FBXO46: variants seen among roughly 807,000 people sequenced by gnomAD.
FBXO46 encodes F-box only protein 46.
Under a neutral mutation model 30.7 loss-of-function variants are expected in FBXO46, and 13 were observed. The ratio of observed to expected loss-of-function variants is 0.42; its 90% CI spans 0.28 to 0.67. The LOEUF is 0.67. FBXO46 is among the 30% of genes least tolerant of loss of function. The pLI, the probability that FBXO46 is intolerant of heterozygous loss-of-function variation, is 0.21. For synonymous variants in FBXO46, 467 were observed against 385.8 expected, an observed-to-expected ratio of 1.21 and a Z score of -2.47; for missense variants, 754 against 871.5, an observed-to-expected ratio of 0.87 and a Z score of 1.70.
At chr19:45,714,242 T>A (rs1051650737) in intron 1 of FBXO46, 1 of 152,112 alleles carries the variant, frequency 6.6e-6, no homozygotes, top group East Asian at 1.9e-4. Flanking sequence ...AGCTCGTTCC[T>A]GAAAAGACAG....
Position 45,712,482 on chromosome 19 carries a change from G to A in FBXO46, c.1014C>T (p.Ser338=). 6.2e-7 allele frequency: 1 copy of A among 1,607,432 alleles called. No individual in the cohort carries two copies. Among genetic ancestry groups the A allele is most frequent in the African/African-American group, 1.3e-5 (1 of 74,938 alleles). Residue 338 remains serine (S), a synonymous_variant, in exon 2 of 2, where the codon AGC becomes AGT. Transcript: ENST00000317683. This position sits in a 1 kb window ranked among gnomAD's most constrained non-coding sequence, Gnocchi z 8.8. ...TGTCCTCAGGCCTGGCGGGTGCCGG[G>A]CTGTCACCCTCACTGGCCTCATCCG... is the stretch of plus-strand genomic sequence containing the variant. ...ARADEASEGD[S]PAPARPEDTP... is the part of the protein sequence containing the mutation.
At position 45,711,477 on chromosome 19, in the gene FBXO46, C is replaced by CG. The variant is rs1967962528; in HGVS notation, c.*206dup. On this transcript the variant is annotated 3_prime_UTR_variant, in exon 2 of 2. Transcript: ENST00000317683. ...AAAAACACCCTTCTCAGAGGGTCCACGGCCCTGGTTCTGAAGAGTAGAAAA... is the reference window on the plus strand; with the variant it reads ...AAAAACACCCTTCTCAGAGGGTCCACGGGCCCTGGTTCTGAAGAGTAGAAAA... 1 of 698,106 alleles carries CG rather than the reference C, an allele frequency of 1.4e-6. No homozygotes were observed. The highest frequency in any genetic ancestry group is 2.0e-5 in the Admixed American group (1 of 49,750). 43.2% of individuals were successfully genotyped at this position (698,106 alleles called of 1,614,324 possible).
At chr19:45,727,989 T>A (rs1246942933) in intron 1 of FBXO46, among the ~76,000 whole-genome samples, 32 of 152,122 alleles carry the variant, frequency 2.1e-4, no homozygotes, top group Non-Finnish European at 7.4e-5. Flanking sequence ...CAGGCTGGAG[T>A]GCAGTGGCAC....
Position 45,713,463 on chromosome 19 carries a change from T to C in FBXO46, c.33A>G (p.Leu11=), listed in dbSNP as rs768261197. The part of the protein sequence containing the change: MDRGSLLPFQ[L]WCPRPFGTYS... ...AGGTGCCAAAGGGCCGGGGGCACCA[T>C]AGCTGGAAGGGCAGGAGGCTCCCAC... The change falls in exon 2 of 2, where the codon CTA becomes CTG. Residue 11 remains leucine, a synonymous_variant. Transcript: ENST00000317683. This position sits in a 1 kb window ranked among gnomAD's most constrained non-coding sequence, Gnocchi z 4.7. 39 of 1,585,992 alleles carry C rather than the reference T, an allele frequency of 2.5e-5. No homozygotes were observed. In the South Asian group the frequency reaches 3.9e-4, roughly 16 times the overall value.
rs750367547 is a variant in FBXO46, at chr19:45,712,252, C to T, written c.1244G>A (p.Gly415Glu). The change falls in exon 2 of 2, where the codon GGG becomes GAG. Residue 415 changes from glycine (G) to glutamate (E), a missense_variant. By Grantham distance (98) the Gly-to-Glu change is moderately conservative. Around this residue, in one of 5 missense-constraint regions of FBXO46, gnomAD observed 454 missense variants for 426.5 expected, o/e 1.06. Coordinates refer to ENST00000317683, the MANE Select transcript of FBXO46 (RefSeq NM_001080469.2). This position sits in a 1 kb window ranked among gnomAD's most constrained non-coding sequence, Gnocchi z 8.8. Reference sequence around the variant, plus strand: ...GGGTGGCTCCGGGGGCCCGTCCGGCCCGCGGTTCTGGAGAAAGAAGAGCTG... The same window carrying T: ...GGGTGGCTCCGGGGGCCCGTCCGGCTCGCGGTTCTGGAGAAAGAAGAGCTG... ...PGQLFFLQNRGPDGPPEPPPA... is the reference protein window; with the variant it reads ...PGQLFFLQNREPDGPPEPPPA... 1 of 1,604,886 alleles carries T rather than the reference C, an allele frequency of 6.2e-7. No homozygotes were observed. The highest frequency in any genetic ancestry group is 8.5e-7 in the Non-Finnish European group (1 of 1,178,900).
At position 45,712,751 on chromosome 19, in the gene FBXO46, C is replaced by T; in HGVS notation, c.745G>A (p.Glu249Lys). Residue 249 changes from glutamate (E) to lysine (K), a missense_variant, in exon 2 of 2, where the codon GAA (glutamate) becomes AAA (lysine). Physicochemically the swap from Glu to Lys is moderately conservative, Grantham distance 56. This residue lies in a region of FBXO46 where 454 missense variants were observed against 426.5 expected (regional missense o/e 1.06). Coordinates refer to ENST00000317683, the MANE Select transcript of FBXO46 (RefSeq NM_001080469.2). The surrounding 1 kb of genome is among the most constrained non-coding windows in gnomAD (Gnocchi z 8.8). ...CCAGGGCCTGGCCCGGGCCGCTCTT[C>T]CTTGCGGAGGCCCTTGGTGGGAGGG... The part of the protein sequence containing the change: ...DSPPTKGLRK[E>K]ERPGPGPGEV... 1.2e-6 allele frequency: 2 copies of T among 1,611,464 alleles called. No homozygotes were observed. Among genetic ancestry groups the T allele is most frequent in the Non-Finnish European group, 1.7e-6 (2 of 1,178,724 alleles).
Position 45,712,958 on chromosome 19 carries a change from C to A in FBXO46, c.538G>T (p.Glu180Ter). The change falls in exon 2 of 2, where the codon GAA becomes TAA. Residue 180 changes from glutamate (E) to a stop codon, truncating the protein, a stop_gained. Transcript: ENST00000317683. LOFTEE classifies it high-confidence loss of function. The surrounding 1 kb of genome is among the most constrained non-coding windows in gnomAD (Gnocchi z 8.8). ...TGCAGGGCCAGGGCTGCCCGCTGTT[C>A]CACCAGGGCCACCATCTCGGCCACA... is the stretch of plus-strand genomic sequence containing the variant. ...LSVAEMVALV[E>*]QRAALALQSY... 6.3e-7 allele frequency: 1 copy of A among 1,583,998 alleles called. No homozygotes were observed. The highest frequency in any genetic ancestry group is 8.6e-7 in the Non-Finnish European group (1 of 1,164,488).
At position 45,710,734 on chromosome 19, in the gene FBXO46, CAG is replaced by C. The variant is rs1488367996; in HGVS notation, c.*948_*949del. Reference sequence around the variant, plus strand: ...GAAAGAAAAAAAAGAAAACAAAAAACAGAGAGAACAAACAAAAATACCCCAGA... The same window carrying C: ...GAAAGAAAAAAAAGAAAACAAAAAACAGAGAACAAACAAAAATACCCCAGA... On this transcript the variant is annotated 3_prime_UTR_variant, in exon 2 of 2. Transcript: ENST00000317683. The C allele has an allele frequency of 1.3e-5, 2 of 152,464 alleles. No individual in the cohort carries two copies. The highest frequency in any genetic ancestry group is 3.9e-4 in the East Asian group (2 of 5,190). 9.4% of individuals were successfully genotyped at this position (152,464 alleles called of 1,614,324 possible).
upstream of FBXO46, among the ~76,000 whole-genome samples, chr19:45,731,473 C>T (rs1449860464): frequency 6.6e-6 from 1 of 151,878 alleles, no homozygotes; most frequent in East Asian, 1.9e-4. Flanking sequence ...CCCGCCACCA[C>T]GCCCGGCTAG....
chr19:45,716,505 A>G (rs1968092274), intron 1 of FBXO46: 1 of 152,094 alleles, frequency 6.6e-6, no homozygotes, highest in South Asian at 2.1e-4. Context: ...TCAATCTCTC[A>G]CAGATCCCAA....
intron 1 of FBXO46, among the ~76,000 whole-genome samples, chr19:45,718,942 TA>T (rs397954439): frequency 3.6e-3 from 427 of 119,426 alleles, no homozygotes; most frequent in Middle Eastern, 0.013. Context: ...CATTACCCCT[TA>T]AAAAAAAAAA....
chr19:45,713,444 C>A lies in FBXO46; in HGVS notation c.52G>T (p.Gly18Cys). Reference sequence around the variant, plus strand: ...CGTGGCTGGTTCTGTGAGTAGGTGCCAAAGGGCCGGGGGCACCATAGCTGG... The same window carrying A: ...CGTGGCTGGTTCTGTGAGTAGGTGCAAAAGGGCCGGGGGCACCATAGCTGG... Reference protein sequence around the residue: ...PFQLWCPRPFGTYSQNQPRPP... With the variant: ...PFQLWCPRPFCTYSQNQPRPP... Residue 18 changes from glycine (G) to cysteine (C), a missense_variant, in exon 2 of 2, where the codon GGC becomes TGC. This residue lies in a region of FBXO46 where 97 missense variants were observed against 113.0 expected (regional missense o/e 0.86). Coordinates refer to ENST00000317683, the MANE Select transcript of FBXO46 (RefSeq NM_001080469.2). This position sits in a 1 kb window ranked among gnomAD's most constrained non-coding sequence, Gnocchi z 4.7. 1 of 1,598,726 alleles carries A rather than the reference C, an allele frequency of 6.3e-7. No homozygotes were observed. Among genetic ancestry groups the A allele is most frequent in the Non-Finnish European group, 8.6e-7 (1 of 1,169,202 alleles).
At position 45,712,244 on chromosome 19, in the gene FBXO46, C is replaced by T. The variant is rs1405032628; in HGVS notation, c.1252G>A (p.Gly418Arg). The stretch of plus-strand genomic sequence containing the variant: ...TCGGCCGGGGGTGGCTCCGGGGGCC[C>T]GTCCGGCCCGCGGTTCTGGAGAAAG... The part of the protein sequence containing the change: ...LFFLQNRGPD[G>R]PPEPPPADSP... Residue 418 changes from glycine to arginine, a missense_variant, in exon 2 of 2, where the codon GGG becomes AGG. Coordinates refer to ENST00000317683, the MANE Select transcript of FBXO46 (RefSeq NM_001080469.2). The surrounding 1 kb of genome is among the most constrained non-coding windows in gnomAD (Gnocchi z 8.8). 1 of 1,604,668 alleles carries T rather than the reference C, an allele frequency of 6.2e-7. No individual in the cohort carries two copies. The highest frequency in any genetic ancestry group is 8.5e-7 in the Non-Finnish European group (1 of 1,178,392).
rs753855427 is a variant in FBXO46 at position 45,712,065 on chromosome 19, G to A, written c.1431C>T (p.Pro477=). The change falls in exon 2 of 2, where the codon CCC becomes CCT. Residue 477 remains proline, a synonymous_variant. Coordinates refer to ENST00000317683, the MANE Select transcript of FBXO46 (RefSeq NM_001080469.2). The surrounding 1 kb of genome is among the most constrained non-coding windows in gnomAD (Gnocchi z 8.8). ...TGAAGATCTTGACCAGCACGTGCTC[G>A]GGCAGCAGCAGCATGTACTGTCGCG... The part of the protein sequence containing the change: ...LEPRQYMLLL[P]EHVLVKIFSF... The A allele has an allele frequency of 4.3e-6, 7 of 1,610,194 alleles. No individual in the cohort carries two copies. Among genetic ancestry groups the A allele is most frequent in the Admixed American group, 3.4e-5 (2 of 59,544 alleles).
At chr19:45,725,002 G>A (rs1968218595) in intron 1 of FBXO46, among the ~76,000 whole-genome samples, 1 of 152,030 alleles carries the variant, frequency 6.6e-6, no homozygotes, top group African/African-American at 2.4e-5. Flanking sequence ...GCAAGCACCT[G>A]CAGTCCCAGA....
Position 45,711,248 on chromosome 19 carries a change from C to T in FBXO46, c.*436G>A, listed in dbSNP as rs888306992. 8 of 426,590 alleles carry T rather than the reference C, an allele frequency of 1.9e-5. No individual in the cohort carries two copies. In the Admixed American group the frequency reaches 1.9e-4, roughly 10 times the overall value. 26.4% of individuals were successfully genotyped at this position (426,590 alleles called of 1,614,324 possible). ...GGTTAGGAGAGGTGCCAACCTTGGGCGATGCGGCTTCTTGGGAAATAACAG... is the reference window on the plus strand; with the variant it reads ...GGTTAGGAGAGGTGCCAACCTTGGGTGATGCGGCTTCTTGGGAAATAACAG... On this transcript the variant is annotated 3_prime_UTR_variant, in exon 2 of 2. Coordinates refer to ENST00000317683, the MANE Select transcript of FBXO46 (RefSeq NM_001080469.2).
chr19:45,730,540 T>C (rs1458844340), intron 1 of FBXO46, among the ~76,000 whole-genome samples: 1 of 151,752 alleles, frequency 6.6e-6, no homozygotes, highest in Admixed American at 6.6e-5. Context: ...TAAGCCCCCA[T>C]CGAAATCGAC....
At chr19:45,731,318 T>A, upstream of FBXO46, among the ~76,000 whole-genome samples, 1 of 39,584 alleles carries the variant, frequency 2.5e-5, no homozygotes, top group Non-Finnish European at 5.1e-5. Flanking sequence ...CATCCCCTTC[T>A]TTTTTTTTTT....
intron 1 of FBXO46, among the ~76,000 whole-genome samples, chr19:45,718,870 A>T (rs762766819): frequency 2.0e-5 from 3 of 152,042 alleles, no homozygotes; most frequent in African/African-American, 4.8e-5. Flanking sequence ...AAATATGGAA[A>T]ATCAAAAGAC....
Sources: gnomAD v4.1 joint callset for allele counts (sites outside exome capture counted in the v4.1 genomes callset) on GRCh38, gnomAD v4.1.1 for gene constraint, gnomAD v4.1.1 regional missense constraint, Gnocchi (gnomAD v3.1) non-coding constraint, MANE v1.5 for transcripts, NCBI Gene and HGNC (gene_info 2026-07-23, HGNC 2026-07-21) for gene names.